ATR: variants seen among roughly 807,000 people sequenced by gnomAD.
The protein encoded by ATR is ATR checkpoint kinase.
ATR carries 142 observed loss-of-function variants against 305.3 expected under a neutral mutation model. The ratio of observed to expected loss-of-function variants is 0.47; its 90% CI spans 0.41 to 0.53. The LOEUF (loss-of-function observed/expected upper bound fraction) is 0.53, where lower values mean the gene tolerates loss of function less well. ATR is among the 20% of genes least tolerant of loss of function. ATR has a pLI of 0.00. For synonymous variants in ATR, 1,050 were observed against 1,068.1 expected (o/e 0.98, Z 0.33); for missense variants, 2,135 against 3,133.1 (o/e 0.68, Z 7.60).
chr3:142,559,480 G>C lies in ATR; in HGVS notation c.1542-39C>G, dbSNP rs1185131669. 1.9e-6 allele frequency: 3 copies of C among 1,587,800 alleles called. No homozygotes were observed. In the African/African-American group the frequency reaches 4.0e-5, roughly 21 times the overall value. On this transcript the variant is annotated intron_variant, in intron 6 of 46. Transcript: ENST00000350721. ...ATTTTGTTAAAAACATTGGAATTAA[G>C]ATGAATTTTGTTATAGTCAAACATA...
chr3:142,451,429 GCC>G, intron 46 of ATR: 1 of 1,492,602 alleles, frequency 6.7e-7, no homozygotes, highest in Non-Finnish European at 9.0e-7. Context: ...TTTCTTCATG[GCC>G]CTGATCAGCA....
rs1045488364 is a variant in ATR at position 142,537,036 on chromosome 3, A to G, written c.3726-835T>C. On this transcript the variant is annotated intron_variant, in intron 19 of 46. Transcript: ENST00000350721. ...AACTCATGCAATAAATATATATTAA[A>G]TAACTACTATGTGCTACTACATGCT... Among the ~76,000 whole-genome samples, 3 of 152,146 alleles carry G rather than the reference A, an allele frequency of 2.0e-5. No individual in the cohort carries two copies. In the East Asian group the frequency reaches 5.8e-4, roughly 29 times the overall value.
In ATR at chr3:142,470,488, T is replaced by C. The variant is rs1213901588; in HGVS notation, c.6222-305A>G. Among the ~76,000 whole-genome samples the C allele has an allele frequency of 2.0e-5, 3 of 152,158 alleles. No homozygotes were observed. In the South Asian group the frequency reaches 6.2e-4, roughly 31 times the overall value. ...TCTTTCAATTTTTCCTTAGGATCTC[T>C]GTGCCTTCATTTGCATTCTTTGGCC... On this transcript the variant is annotated intron_variant, in intron 36 of 46. Coordinates refer to ENST00000350721, the MANE Select transcript of ATR (RefSeq NM_001184.4).
chr3:142,514,284 T>G (rs1291007852), intron 25 of ATR, among the ~76,000 whole-genome samples: 1 of 149,100 alleles, frequency 6.7e-6, no homozygotes, highest in Admixed American at 6.7e-5. Context: ...GAAAATGTCT[T>G]GAAGTTACTA....
At chr3:142,466,037 A>AAAAGG (rs2071122164) in intron 40 of ATR, among the ~76,000 whole-genome samples, 1 of 151,858 alleles carries the variant, frequency 6.6e-6, no homozygotes, top group Non-Finnish European at 1.5e-5. Flanking sequence ...AAAAGAAAAG[A>AAAAGG]AAAATCAAAT....
chr3:142,476,230 C>A (rs1356118600), intron 36 of ATR, among the ~76,000 whole-genome samples: 2 of 152,180 alleles, frequency 1.3e-5, no homozygotes, highest in African/African-American at 4.8e-5. Flanking sequence ...GGTTTTAGGT[C>A]TGACATTTAA....
intron 28 of ATR, among the ~76,000 whole-genome samples, chr3:142,505,970 A>G (rs1055599662): frequency 8.2e-4 from 125 of 152,214 alleles, no homozygotes; most frequent in African/African-American, 2.8e-3. Context: ...AGAAAAGCAA[A>G]TGATGTCTTA....
chr3:142,503,255 A>G (rs1449935630), intron 30 of ATR, 107 bp downstream of exon 30: 7 of 813,988 alleles, frequency 8.6e-6, no homozygotes, highest in Admixed American at 2.5e-5. Context: ...CCATGAAAAC[A>G]CATAAAACAT....
intron 5 of ATR, among the ~76,000 whole-genome samples, chr3:142,560,717 C>T (rs376998420): frequency 5.3e-5 from 8 of 152,068 alleles, no homozygotes; most frequent in African/African-American, 1.4e-4. Flanking sequence ...CCAACCACCA[C>T]GCTTGGCTAA....
At chr3:142,556,971 T>C (rs1260340475) in intron 8 of ATR, among the ~76,000 whole-genome samples, 1 of 152,186 alleles carries the variant, frequency 6.6e-6, no homozygotes, top group African/African-American at 2.4e-5. Flanking sequence ...TGGTGTATCT[T>C]TGGAGAACAA....
At chr3:142,476,997 G>C (rs1476241029) in intron 36 of ATR, among the ~76,000 whole-genome samples, 1 of 152,184 alleles carries the variant, frequency 6.6e-6, no homozygotes, top group Non-Finnish European at 1.5e-5. Context: ...ATTTGGGGCT[G>C]AGATGATGGG....
chr3:142,577,408 C>G (rs1207545718), intron 1 of ATR, among the ~76,000 whole-genome samples: 1 of 152,126 alleles, frequency 6.6e-6, no homozygotes, highest in Non-Finnish European at 1.5e-5. Context: ...ATTTGTAAAC[C>G]AACTTCCTAC....
chr3:142,460,574 T>A (rs889563509), intron 42 of ATR, among the ~76,000 whole-genome samples: 1 of 152,084 alleles, frequency 6.6e-6, no homozygotes, highest in Non-Finnish European at 1.5e-5. Flanking sequence ...TTCAGAGAGA[T>A]CATGGTCCTA....
intron 34 of ATR, 126 bp from the exon 35 acceptor site, chr3:142,493,437 C>CTTATTAAAGTAAAATTCTAAAAT: frequency 9.0e-7 from 1 of 1,108,060 alleles, no homozygotes; most frequent in Non-Finnish European, 1.3e-6. Context: ...TTTTACTTGC[C>CTTATTAAAGTAAAATTCTAAAAT]TCTTATTAAA....
At chr3:142,513,446 A>G in intron 26 of ATR, 55 bp downstream of exon 26, 1 of 1,583,048 alleles carries the variant, frequency 6.3e-7, no homozygotes. Flanking sequence ...TACTAATTAC[A>G]TTGGAGAAAG....
In ATR at chr3:142,553,280, T is replaced by C. The variant is rs977085317; in HGVS notation, c.2752A>G (p.Lys918Glu). 4 of 1,614,188 alleles carry C rather than the reference T, an allele frequency of 2.5e-6. No homozygotes were observed. The highest frequency in any genetic ancestry group is 1.1e-5 in the South Asian group (1 of 91,088). Residue 918 changes from lysine (K) to glutamate (E), a missense_variant, in exon 13 of 47, where the codon AAA (lysine) becomes GAA (glutamate). Lys to Glu is a moderately conservative substitution (Grantham distance 56). Around this residue, in one of 9 missense-constraint regions of ATR, gnomAD observed 530 missense variants for 766.8 expected, o/e 0.69. Coordinates refer to ENST00000350721, the MANE Select transcript of ATR (RefSeq NM_001184.4). Reference sequence around the variant, plus strand: ...AAAAAACTTTGCAGTTTAACACTTTTAGCTGCAACCAGAGCTCTAATTTCT... The same window carrying C: ...AAAAAACTTTGCAGTTTAACACTTTCAGCTGCAACCAGAGCTCTAATTTCT... ...YTEIRALVAA[K>E]SVKLQSFFSQ...
chr3:142,565,632 G>A (rs959027992), intron 3 of ATR, among the ~76,000 whole-genome samples: 4 of 150,356 alleles, frequency 2.7e-5, no homozygotes, highest in African/African-American at 7.3e-5. Context: ...ACAGTAGCAT[G>A]TGCCTATGGT....
At chr3:142,495,108 T>C (rs2031507594) in intron 34 of ATR, among the ~76,000 whole-genome samples, 1 of 152,192 alleles carries the variant, frequency 6.6e-6, no homozygotes, top group Non-Finnish European at 1.5e-5. Flanking sequence ...TAAAGTCTTG[T>C]TCAGAGAAGT....
At chr3:142,461,505 G>A (rs1228819524) in intron 42 of ATR, among the ~76,000 whole-genome samples, 1 of 151,998 alleles carries the variant, frequency 6.6e-6, no homozygotes, top group African/African-American at 2.4e-5. Context: ...CCCAGGTTTG[G>A]ACAGTTGGAG....
Sources: allele counts gnomAD v4.1 joint callset (sites outside exome capture counted in the v4.1 genomes callset), GRCh38; gene constraint gnomAD v4.1.1; regional missense constraint gnomAD v4.1.1; transcripts MANE v1.5; gene names NCBI Gene and HGNC (gene_info 2026-07-23, HGNC 2026-07-21).